The following CEP68 variants were observed in gnomAD, a reference collection of about 807,000 sequenced individuals.
CEP68 encodes the protein centrosomal protein 68.
In CEP68, 26 loss-of-function variants were observed where a neutral mutation model predicts 55.3. That is an observed-to-expected ratio of 0.47 (90% CI 0.34 to 0.65). The LOEUF is 0.65. Ranked by LOEUF, CEP68 falls within the 30% of genes least tolerant of loss-of-function variation. The pLI is 0.01. For synonymous variants in CEP68, 402 were observed against 383.2 expected (o/e 1.05, Z -0.57); for missense variants, 957 against 946.7 (o/e 1.01, Z -0.14).
At chr2:65,066,506 G>T (rs896723512) in intron 1 of CEP68, among the ~76,000 whole-genome samples, 1 of 150,394 alleles carries the variant, frequency 6.6e-6, no homozygotes, top group African/African-American at 2.4e-5. Context: ...GAGGCGGGTG[G>T]ATCATAAGGT....
intron 1 of CEP68, among the ~76,000 whole-genome samples, chr2:65,058,661 C>T (rs1316644413): frequency 6.6e-6 from 1 of 151,938 alleles, no homozygotes; most frequent in East Asian, 1.9e-4. Context: ...CACCCACCAC[C>T]GTGTTCCGCT....
chr2:65,081,870 T>C (rs1422410628), intron 5 of CEP68, among the ~76,000 whole-genome samples: 4 of 152,350 alleles, frequency 2.6e-5, no homozygotes, highest in South Asian at 4.1e-4. Flanking sequence ...AATTTTTTTA[T>C]ATTTTTAGTA....
At chr2:65,060,716 A>G (rs1375710786) in intron 1 of CEP68, among the ~76,000 whole-genome samples, 9 of 152,212 alleles carry the variant, frequency 5.9e-5, no homozygotes, top group Non-Finnish European at 1.5e-5. Flanking sequence ...TTAGTGAGAA[A>G]AAAGGTGCTG....
At chr2:65,083,489 T>C (rs1668931286) in intron 6 of CEP68, 150 bp from the exon 7 acceptor site, 1 of 152,268 alleles carries the variant, frequency 6.6e-6, no homozygotes, top group Non-Finnish European at 1.5e-5. Context: ...GTGAGCACTA[T>C]AGGTATGCTA....
Position 65,082,580 on chromosome 2 carries a change from C to G in CEP68, c.2149C>G (p.Leu717Val). ...GAGGATCGCAAAGCAGTCTGGTGAGCTGGAGAGCCACGCAGATCGCCTGTA... is the reference window on the plus strand; with the variant it reads ...GAGGATCGCAAAGCAGTCTGGTGAGGTGGAGAGCCACGCAGATCGCCTGTA... ...LGRIAKQSGE[L>V]ESHADRLYDS... Residue 717 changes from leucine (L) to valine (V), a missense_variant, in exon 6 of 7, where the codon CTG becomes GTG. By Grantham distance (32) the Leu-to-Val change is conservative (BLOSUM62 1). Coordinates refer to ENST00000377990, the MANE Select transcript of CEP68 (RefSeq NM_015147.3). 1 of 1,604,658 alleles carries G rather than the reference C, an allele frequency of 6.2e-7. No homozygotes were observed. Among genetic ancestry groups the G allele is most frequent in the Non-Finnish European group, 8.5e-7 (1 of 1,176,924 alleles).
At chr2:65,071,424 A>G (rs914207143) in intron 2 of CEP68, 30 bp from the exon 3 acceptor site, 2 of 1,578,736 alleles carry the variant, frequency 1.3e-6, no homozygotes, top group Middle Eastern at 1.7e-4. Context: ...ATTTTTACCC[A>G]AGTGCTTTTT....
intron 1 of CEP68, among the ~76,000 whole-genome samples, chr2:65,065,968 A>C (rs1010009667): frequency 1.5e-4 from 23 of 152,022 alleles, no homozygotes; most frequent in Admixed American, 5.2e-4. Flanking sequence ...AAAAAAAAAA[A>C]AAAACACAAG....
rs756539581 is a variant in CEP68, at chr2:65,069,518, G to A, written c.74G>A (p.Ser25Asn). Residue 25 changes from serine to asparagine, a missense_variant, in exon 2 of 7, where the codon AGC becomes AAC. Coordinates refer to ENST00000377990, the MANE Select transcript of CEP68 (RefSeq NM_015147.3). Reference protein sequence around the residue: ...DTKAQSYGRGSCRERELDIPG... With the variant: ...DTKAQSYGRGNCRERELDIPG... ...AAGGCCCAGTCCTATGGGAGAGGGAGCTGCAGGGAGCGGGAGCTGGACATC... is the reference window on the plus strand; with the variant it reads ...AAGGCCCAGTCCTATGGGAGAGGGAACTGCAGGGAGCGGGAGCTGGACATC... 4.4e-6 allele frequency: 7 copies of A among 1,583,750 alleles called. No homozygotes were observed. Among genetic ancestry groups the A allele is most frequent in the Non-Finnish European group, 6.0e-6 (7 of 1,163,034 alleles).
At chr2:65,063,420 C>T (rs1322475616) in intron 1 of CEP68, among the ~76,000 whole-genome samples, 3 of 152,218 alleles carry the variant, frequency 2.0e-5, no homozygotes, top group African/African-American at 7.2e-5. Context: ...GCCTGTGCCC[C>T]ATCATGGAGC....
chr2:65,071,962 A>C lies in CEP68; in HGVS notation c.866A>C (p.His289Pro). ...TCCCTGCCTCCATCACCCGACCGCC[A>C]CTCCCCTCTCTGGAACCCAAATAAA... ...PDSLPPSPDR[H>P]SPLWNPNKEY... Residue 289 changes from histidine to proline, a missense_variant, in exon 3 of 7, where the codon CAC (histidine) becomes CCC (proline). By Grantham distance (77) the His-to-Pro change is moderately conservative. Coordinates refer to ENST00000377990, the MANE Select transcript of CEP68 (RefSeq NM_015147.3). 7 of 1,611,064 alleles carry C rather than the reference A, an allele frequency of 4.3e-6. No homozygotes were observed. The highest frequency in any genetic ancestry group is 5.1e-6 in the Non-Finnish European group (6 of 1,179,646).
chr2:65,061,303 A>G (rs1008522714), intron 1 of CEP68, among the ~76,000 whole-genome samples: 1 of 152,204 alleles, frequency 6.6e-6, no homozygotes, highest in Admixed American at 6.5e-5. Flanking sequence ...AGGCGAGGGA[A>G]CAGACAGCCA....
rs762071289 is a variant in CEP68 at position 65,072,018 on chromosome 2, C to G, written c.922C>G (p.Pro308Ala). 1.9e-6 allele frequency: 3 copies of G among 1,613,176 alleles called. No individual in the cohort carries two copies. The highest frequency in any genetic ancestry group is 4.5e-5 in the East Asian group (2 of 44,858). Residue 308 changes from proline to alanine, a missense_variant, in exon 3 of 7, where the codon CCA (proline) becomes GCA (alanine). Pro to Ala is a conservative substitution (Grantham distance 27). Coordinates refer to ENST00000377990, the MANE Select transcript of CEP68 (RefSeq NM_015147.3). Reference sequence around the variant, plus strand: ...TGAAGATCTGCTTGACTATACTTACCCACTGAGGCCCGGGCCTCAGCTCCC... The same window carrying G: ...TGAAGATCTGCTTGACTATACTTACGCACTGAGGCCCGGGCCTCAGCTCCC... ...EYEDLLDYTY[P>A]LRPGPQLPKH...
At chr2:65,076,013 C>G (rs1215998008) in intron 4 of CEP68, among the ~76,000 whole-genome samples, 3 of 151,504 alleles carry the variant, frequency 2.0e-5, no homozygotes, top group East Asian at 2.0e-4. Flanking sequence ...CTCCACCCTA[C>G]TGGGAATGCT....
intron 1 of CEP68, 48 bp from the exon 2 acceptor site, chr2:65,069,351 A>T: frequency 2.0e-6 from 2 of 997,798 alleles, no homozygotes; most frequent in African/African-American, 1.6e-5. Flanking sequence ...CTTCCTGAAC[A>T]CAGATGTAGA....
intron 1 of CEP68, among the ~76,000 whole-genome samples, chr2:65,068,796 C>G (rs1305901629): frequency 6.6e-6 from 1 of 152,054 alleles, no homozygotes; most frequent in Non-Finnish European, 1.5e-5. Context: ...CCACTGCACT[C>G]CAGCCTGGGT....
chr2:65,069,550 C>T lies in CEP68; in HGVS notation c.106C>T (p.Pro36Ser). 1 of 1,609,854 alleles carries T rather than the reference C, an allele frequency of 6.2e-7. No individual in the cohort carries two copies. Among genetic ancestry groups the T allele is most frequent in the Non-Finnish European group, 8.5e-7 (1 of 1,177,366 alleles). Residue 36 changes from proline (P) to serine (S), a missense_variant, in exon 2 of 7, where the codon CCC becomes TCC. Transcript: ENST00000377990. ...CRERELDIPG[P>S]MSGEQPPRLE... ...GGAGCGGGAGCTGGACATCCCAGGG[C>T]CCATGAGTGGGGAGCAGCCCCCACG...
intron 4 of CEP68, among the ~76,000 whole-genome samples, chr2:65,076,209 G>T (rs1676750081): frequency 6.6e-6 from 1 of 152,148 alleles, no homozygotes; most frequent in South Asian, 2.1e-4. Flanking sequence ...GCTGTGCAGG[G>T]CCCAGGACCA....
In CEP68 at chr2:65,084,825, T is replaced by G. The variant is rs1326214036; in HGVS notation, c.*1191T>G. 1.3e-5 allele frequency: 2 copies of G among 152,220 alleles called. No homozygotes were observed. The highest frequency in any genetic ancestry group is 6.5e-5 in the Admixed American group (1 of 15,286). 9.4% of individuals were successfully genotyped at this position (152,220 alleles called of 1,614,324 possible). Reference sequence around the variant, plus strand: ...TACACATAAAATGCAGTATTTCAAGTGCCTGATGCTGCTGTGGTATGCTTT... The same window carrying G: ...TACACATAAAATGCAGTATTTCAAGGGCCTGATGCTGCTGTGGTATGCTTT... On this transcript the variant is annotated 3_prime_UTR_variant, in exon 7 of 7. Coordinates refer to ENST00000377990, the MANE Select transcript of CEP68 (RefSeq NM_015147.3).
chr2:65,078,219 G>A (rs1241063458), intron 5 of CEP68, among the ~76,000 whole-genome samples: 2 of 152,148 alleles, frequency 1.3e-5, no homozygotes, highest in Non-Finnish European at 2.9e-5. Context: ...CAAGAATGAC[G>A]CTGTCTTTTG....
Sources: gnomAD v4.1 joint callset for allele counts (sites outside exome capture counted in the v4.1 genomes callset) on GRCh38, gnomAD v4.1.1 for gene constraint, MANE v1.5 for transcripts, NCBI Gene and HGNC (gene_info 2026-07-23, HGNC 2026-07-21) for gene names.